The following TRAPPC10 variants were observed in gnomAD, a reference collection of about 807,000 sequenced individuals.
TRAPPC10 encodes the protein TRAPP 130 kDa subunit.
TRAPPC10 carries 23 observed loss-of-function variants against 125.5 expected under a neutral mutation model. That is an observed-to-expected ratio of 0.18 (90% CI 0.13 to 0.26). TRAPPC10 has a LOEUF of 0.26. Ranked by LOEUF, TRAPPC10 falls within the 10% of genes least tolerant of loss-of-function variation. TRAPPC10 has a pLI of 1.00. For missense variants in TRAPPC10, 1,123 were observed against 1,308.4 expected, an observed-to-expected ratio of 0.86 and a Z score of 2.19; for synonymous variants, 509 against 518.0, an observed-to-expected ratio of 0.98 and a Z score of 0.24.
At chr21:44,079,851 T>C in intron 12 of TRAPPC10, 147 bp downstream of exon 12, 1 of 1,101,088 alleles carries the variant, frequency 9.1e-7, no homozygotes. Context: ...ATGAATGAAA[T>C]GTCTAGTCGA....
chr21:44,054,241 G>A (rs1042119374), intron 4 of TRAPPC10, among the ~76,000 whole-genome samples: 37 of 152,320 alleles, frequency 2.4e-4, no homozygotes, highest in African/African-American at 7.0e-4. Flanking sequence ...AGGGAAGAAA[G>A]TGTGCAGTGG....
intron 3 of TRAPPC10, among the ~76,000 whole-genome samples, chr21:44,045,804 C>T (rs183490198): frequency 5.3e-5 from 8 of 152,256 alleles, no homozygotes; most frequent in Admixed American, 4.6e-4. Context: ...GATTCGCCCA[C>T]CTCGGCCTCC....
Position 44,063,521 on chromosome 21 carries a change from G to T in TRAPPC10, c.791-17G>T. The T allele has an allele frequency of 6.2e-7, 1 of 1,613,060 alleles. No individual in the cohort carries two copies. Among genetic ancestry groups the T allele is most frequent in the Non-Finnish European group, 8.5e-7 (1 of 1,179,274 alleles). On this transcript the variant is annotated splice_polypyrimidine_tract_variant and intron_variant, in intron 6 of 22. Transcript: ENST00000291574. This position sits in a 1 kb window ranked among gnomAD's most constrained non-coding sequence, Gnocchi z 4.4. ...AGTACCTGCAATCAGCACCTTTCAT[G>T]ATGTGTGTTTGTTTAGATGGTGCCA... is the stretch of plus-strand genomic sequence containing the variant.
At chr21:44,029,146 G>C (rs533478985) in intron 1 of TRAPPC10, among the ~76,000 whole-genome samples, 1 of 152,308 alleles carries the variant, frequency 6.6e-6, no homozygotes, top group African/African-American at 2.4e-5. Context: ...CCGGGCTGGA[G>C]TGCAGTGGCG....
rs772302189 is a variant in TRAPPC10, at chr21:44,083,216, G to A, written c.2152G>A (p.Val718Met). 1.2e-6 allele frequency: 2 copies of A among 1,614,172 alleles called. No homozygotes were observed. The highest frequency in any genetic ancestry group is 2.2e-5 in the South Asian group (2 of 91,076). The change falls in exon 14 of 23, where the codon GTG (valine) becomes ATG (methionine). Residue 718 changes from valine (V) to methionine (M), a missense_variant. Coordinates refer to ENST00000291574, the MANE Select transcript of TRAPPC10 (RefSeq NM_003274.5). ...CTCCTCTCTAGAGATGCCCTCAGGG[G>A]TGGCTCTGGAGGAGGGTGCCCACGT... ...SSSSLEMPSG[V>M]ALEEGAHVLR...
Position 44,087,852 on chromosome 21 carries a change from T to C in TRAPPC10, c.2693T>C (p.Leu898Pro). 9 of 1,614,204 alleles carry C rather than the reference T, an allele frequency of 5.6e-6. No individual in the cohort carries two copies. Among genetic ancestry groups the C allele is most frequent in the Non-Finnish European group, 7.6e-6 (9 of 1,180,026 alleles). Reference sequence around the variant, plus strand: ...GCACTCGGAGGGGAGAGTGACATGCTGGGGATGGCAGAGCCCCACAGGAAG... The same window carrying C: ...GCACTCGGAGGGGAGAGTGACATGCCGGGGATGGCAGAGCCCCACAGGAAG... ...APALGGESDM[L>P]GMAEPHRKHK... Residue 898 changes from leucine to proline, a missense_variant, in exon 17 of 23, where the codon CTG becomes CCG. Physicochemically the swap from Leu to Pro is moderately conservative, Grantham distance 98 (BLOSUM62 -3). This residue lies in a region of TRAPPC10 where 840 missense variants were observed against 902.0 expected (regional missense o/e 0.93). Transcript: ENST00000291574. The surrounding 1 kb of genome is among the most constrained non-coding windows in gnomAD (Gnocchi z 4.6).
At chr21:44,047,973 A>T (rs1423941660) in intron 3 of TRAPPC10, among the ~76,000 whole-genome samples, 1 of 152,176 alleles carries the variant, frequency 6.6e-6, no homozygotes, top group Non-Finnish European at 1.5e-5. Flanking sequence ...GGTCTGGAGC[A>T]GTGATCAGTC....
chr21:44,083,777 GC>G (rs758407591), intron 14 of TRAPPC10, among the ~76,000 whole-genome samples: 1 of 152,214 alleles, frequency 6.6e-6, no homozygotes, highest in Admixed American at 6.5e-5. Context: ...ACAGGATTTG[GC>G]CTGTGGAAAG....
chr21:44,070,058 T>A (rs904117434), intron 7 of TRAPPC10, among the ~76,000 whole-genome samples: 1 of 152,116 alleles, frequency 6.6e-6, no homozygotes, highest in African/African-American at 2.4e-5. Context: ...GCTACACCAG[T>A]CTGCTGTGAG....
At chr21:44,030,487 G>A (rs2033479707) in intron 1 of TRAPPC10, among the ~76,000 whole-genome samples, 1 of 150,242 alleles carries the variant, frequency 6.7e-6, no homozygotes, top group Non-Finnish European at 1.5e-5. Flanking sequence ...TTTTTTTTGA[G>A]ATGGAGTTTC....
chr21:44,051,674 G>A (rs9978772), intron 3 of TRAPPC10, among the ~76,000 whole-genome samples: 12,937 of 152,274 alleles, frequency 0.085, 1,272 homozygotes, highest in African/African-American at 0.23. Flanking sequence ...GCAGCCTTGC[G>A]GAAGCTGCAG....
At chr21:44,028,162 C>T (rs2033244992) in intron 1 of TRAPPC10, among the ~76,000 whole-genome samples, 1 of 152,174 alleles carries the variant, frequency 6.6e-6, no homozygotes, top group African/African-American at 2.4e-5. Context: ...TGAATACGTG[C>T]TTGTAAAAAT....
At position 44,083,094 on chromosome 21, in the gene TRAPPC10, A is replaced by G. The variant is rs762206523; in HGVS notation, c.2030A>G (p.Tyr677Cys). Reference protein sequence around the residue: ...SQNSLPALELYEMFERSPSDN... With the variant: ...SQNSLPALELCEMFERSPSDN... ...AACAGTTTGCCCGCGCTGGAGTTGTATGAAATGTTTGAGAGAAGCCCATCT... is the reference window on the plus strand; with the variant it reads ...AACAGTTTGCCCGCGCTGGAGTTGTGTGAAATGTTTGAGAGAAGCCCATCT... The change falls in exon 14 of 23, where the codon TAT becomes TGT. Residue 677 changes from tyrosine to cysteine, a missense_variant. Physicochemically the swap from Tyr to Cys is radical, Grantham distance 194 (BLOSUM62 -2). Around this residue, in one of 4 missense-constraint regions of TRAPPC10, gnomAD observed 840 missense variants for 902.0 expected, o/e 0.93. Transcript: ENST00000291574. The G allele has an allele frequency of 2.5e-6, 4 of 1,613,942 alleles. No individual in the cohort carries two copies. In the East Asian group the frequency reaches 6.7e-5, roughly 27 times the overall value.
chr21:44,044,697 G>A (rs748597873), intron 3 of TRAPPC10, among the ~76,000 whole-genome samples: 2 of 121,728 alleles, frequency 1.6e-5, no homozygotes, highest in East Asian at 2.3e-4. Context: ...ACAGAGTTTC[G>A]CTCTTGTCCA....
chr21:44,069,624 C>T (rs941045332), intron 7 of TRAPPC10, among the ~76,000 whole-genome samples: 2 of 152,114 alleles, frequency 1.3e-5, no homozygotes, highest in Non-Finnish European at 2.9e-5. Context: ...ACACATGCCC[C>T]GTGACCCAGC....
rs1314055692 is a variant in TRAPPC10 at position 44,082,807 on chromosome 21, C to A, written c.1743C>A (p.Pro581=). The A allele has an allele frequency of 1.7e-5, 27 of 1,613,670 alleles. No homozygotes were observed. The highest frequency in any genetic ancestry group is 2.1e-5 in the Non-Finnish European group (25 of 1,179,976). The part of the protein sequence containing the change: ...SDSPGHKIVL[P]MHSFAQLRDL... Reference sequence around the variant, plus strand: ...TTACAGGTCATAAGATAGTGCTACCCATGCATTCCTTTGCACAACTGCGAG... The same window carrying A: ...TTACAGGTCATAAGATAGTGCTACCAATGCATTCCTTTGCACAACTGCGAG... Residue 581 remains proline (P), a synonymous_variant, in exon 14 of 23, where the codon CCC becomes CCA. Coordinates refer to ENST00000291574, the MANE Select transcript of TRAPPC10 (RefSeq NM_003274.5). The surrounding 1 kb of genome is among the most constrained non-coding windows in gnomAD (Gnocchi z 4.4).
chr21:44,047,875 G>A (rs1038098777), intron 3 of TRAPPC10, among the ~76,000 whole-genome samples: 8 of 152,194 alleles, frequency 5.3e-5, no homozygotes, highest in Non-Finnish European at 1.2e-4. Context: ...AGTAGTTACT[G>A]TAACTCTTTT....
chr21:44,030,474 C>CT (rs1197344449), intron 1 of TRAPPC10, among the ~76,000 whole-genome samples: 32 of 148,376 alleles, frequency 2.2e-4, no homozygotes, highest in Middle Eastern at 3.4e-3. Context: ...CTTTCTTTTT[C>CT]TTTTTTTTTT....
intron 13 of TRAPPC10, 75 bp downstream of exon 13, chr21:44,080,202 C>A: frequency 2.4e-6 from 3 of 1,233,014 alleles, no homozygotes; most frequent in Non-Finnish European, 2.3e-6. Context: ...CAAGATATAC[C>A]AACCACTTAC....
Sources: allele counts gnomAD v4.1 joint callset (sites outside exome capture counted in the v4.1 genomes callset), GRCh38; gene constraint gnomAD v4.1.1; regional missense constraint gnomAD v4.1.1; non-coding constraint Gnocchi (gnomAD v3.1); transcripts MANE v1.5; gene names NCBI Gene and HGNC (gene_info 2026-07-23, HGNC 2026-07-21).